Variants in EEF2K observed in about 807,000 individuals in gnomAD.
EEF2K encodes the protein eukaryotic elongation factor 2 kinase, also known as alternative protein EEF2K.
A neutral mutation model predicts 93.8 loss-of-function variants in EEF2K; 70 were observed. That is an observed-to-expected ratio of 0.75 (90% CI 0.62 to 0.91). The LOEUF (loss-of-function observed/expected upper bound fraction) is 0.91, where lower values mean the gene tolerates loss of function less well. EEF2K is among the 40% of genes least tolerant of loss of function. EEF2K has a pLI of 0.00. For missense variants in EEF2K, 935 were observed against 972.9 expected, an observed-to-expected ratio of 0.96 and a Z score of 0.52; for synonymous variants, 376 against 380.8, an observed-to-expected ratio of 0.99 and a Z score of 0.15.
intron 2 of EEF2K, among the ~76,000 whole-genome samples, chr16:22,231,213 C>T (rs1247556020): frequency 2.0e-5 from 3 of 150,176 alleles, no homozygotes; most frequent in African/African-American, 7.4e-5. Context: ...CTCAGCCTTC[C>T]GAATAGCTGG....
intron 16 of EEF2K, among the ~76,000 whole-genome samples, chr16:22,274,855 CT>C (rs1319103231): frequency 6.6e-6 from 1 of 152,148 alleles, no homozygotes; most frequent in Non-Finnish European, 1.5e-5. Context: ...GCAACCTTCC[CT>C]CCTCAGCCTC....
chr16:22,250,176 T>G (rs958698380), intron 4 of EEF2K, among the ~76,000 whole-genome samples: 1 of 152,088 alleles, frequency 6.6e-6, no homozygotes, highest in Non-Finnish European at 1.5e-5. Flanking sequence ...CTCCCAAAAT[T>G]CTGGGATTAC....
intron 1 of EEF2K, among the ~76,000 whole-genome samples, chr16:22,218,899 G>A (rs1209554508): frequency 1.3e-5 from 2 of 149,908 alleles, no homozygotes; most frequent in African/African-American, 4.9e-5. Flanking sequence ...GCCGAAGAGG[G>A]TGGATCACTT....
rs1417640462 is a variant in EEF2K at position 22,287,051 on chromosome 16, T to C, written c.*3055T>C. ...AACTTGCAAGAGGTTGAGATCCTTC[T>C]GAGCTAGGAGAACTTATTCCACCTT... On this transcript the variant is annotated 3_prime_UTR_variant, in exon 18 of 18. Coordinates refer to ENST00000263026, the MANE Select transcript of EEF2K (RefSeq NM_013302.5). 6.6e-6 allele frequency: 1 copy of C among 152,312 alleles called. No individual in the cohort carries two copies. The highest frequency in any genetic ancestry group is 1.5e-5 in the Non-Finnish European group (1 of 68,110). The allele number at this position is 152,312 out of a possible 1,614,324, so 9.4% of individuals were successfully genotyped here.
chr16:22,214,402 A>G (rs563813394), intron 1 of EEF2K, among the ~76,000 whole-genome samples: 2 of 152,080 alleles, frequency 1.3e-5, no homozygotes, highest in South Asian at 4.2e-4. Context: ...TGATTGCACC[A>G]TTGCACTCCA....
At chr16:22,238,807 C>T (rs1020111983) in intron 2 of EEF2K, among the ~76,000 whole-genome samples, 8 of 151,986 alleles carry the variant, frequency 5.3e-5, no homozygotes, top group Non-Finnish European at 1.0e-4. Context: ...TCAAAGATGG[C>T]AGTACCTGCT....
intron 16 of EEF2K, among the ~76,000 whole-genome samples, chr16:22,275,305 C>T (rs1040901552): frequency 2.0e-5 from 3 of 151,294 alleles, no homozygotes; most frequent in African/African-American, 7.3e-5. Context: ...ATACTTTTCT[C>T]TTTATTTTTT....
Position 22,232,431 on chromosome 16 carries a change from C to T in EEF2K, c.246+6456C>T, listed in dbSNP as rs141523954. 2.6e-5 allele frequency among the ~76,000 whole-genome samples: 4 copies of T among 151,972 alleles called. No homozygotes were observed. The East Asian group carries it at 5.8e-4, about 22-fold the overall frequency. On this transcript the variant is annotated intron_variant, in intron 2 of 17. Coordinates refer to ENST00000263026, the MANE Select transcript of EEF2K (RefSeq NM_013302.5). ...TTTTTGGAACGATGGGGTCTCATTA[C>T]GTTGCCCAGGCTGGTCTTGAACTCC... is the stretch of plus-strand genomic sequence containing the variant.
intron 1 of EEF2K, among the ~76,000 whole-genome samples, chr16:22,208,198 C>A (rs953389137): frequency 6.6e-6 from 1 of 152,152 alleles, no homozygotes; most frequent in African/African-American, 2.4e-5. Context: ...ACAGTTTACA[C>A]ATAATCATCG....
intron 1 of EEF2K, among the ~76,000 whole-genome samples, chr16:22,217,214 TATAGATAG>T (rs199518061): frequency 1.5e-5 from 2 of 133,422 alleles, no homozygotes; most frequent in Non-Finnish European, 3.2e-5. Context: ...TAGTGATATA[TATAGATAG>T]ATAGATAGAG....
At chr16:22,233,579 C>T (rs148656484) in intron 2 of EEF2K, among the ~76,000 whole-genome samples, 1,782 of 151,926 alleles carry the variant, frequency 0.012, 8 homozygotes, top group Non-Finnish European at 0.018. Flanking sequence ...CCCAGCTACT[C>T]CACAGGCTGA....
intron 2 of EEF2K, among the ~76,000 whole-genome samples, chr16:22,237,993 C>T (rs1006641343): frequency 8.6e-5 from 13 of 152,012 alleles, no homozygotes; most frequent in Non-Finnish European, 1.8e-4. Context: ...AACAATAGGT[C>T]TTAGAAATTG....
Position 22,220,605 on chromosome 16 carries a change from G to A in EEF2K, c.-76-5049G>A, listed in dbSNP as rs185826141. ...ACTACAGGCACACACCACCACGCCC[G>A]GCTAATTTTTGTATTTTTTCGTAGA... is the stretch of plus-strand genomic sequence containing the variant. On this transcript the variant is annotated intron_variant, in intron 1 of 17. Transcript: ENST00000263026. Among the ~76,000 whole-genome samples, 53 of 152,206 alleles carry A rather than the reference G, an allele frequency of 3.5e-4. No homozygotes were observed. In the East Asian group the frequency reaches 6.2e-3, roughly 18 times the overall value.
At chr16:22,247,669 G>A (rs149490940) in intron 3 of EEF2K, among the ~76,000 whole-genome samples, 4 of 152,248 alleles carry the variant, frequency 2.6e-5, no homozygotes, top group South Asian at 2.1e-4. Context: ...ATTGCTTCAC[G>A]CCATCCCTGC....
chr16:22,259,007 G>A (rs1239370834), intron 10 of EEF2K, among the ~76,000 whole-genome samples: 1 of 142,898 alleles, frequency 7.0e-6, no homozygotes, highest in Non-Finnish European at 1.5e-5. Flanking sequence ...ATTTGTATTT[G>A]TGTATAGAGA....
At chr16:22,256,033 C>G (rs543219905) in intron 6 of EEF2K, among the ~76,000 whole-genome samples, 33 of 152,166 alleles carry the variant, frequency 2.2e-4, no homozygotes, top group Non-Finnish European at 2.6e-4. Flanking sequence ...CCTGCCTCGA[C>G]ACCCTGAGTA....
chr16:22,248,836 C>A (rs192466948), intron 4 of EEF2K, 21 bp downstream of exon 4: 1 of 1,613,164 alleles, frequency 6.2e-7, no homozygotes, highest in South Asian at 1.1e-5. Context: ...CGTTGAGCCC[C>A]GTGGGGACAG....
chr16:22,260,379 A>G lies in EEF2K; in HGVS notation c.1232-83A>G, dbSNP rs899808435. On this transcript the variant is annotated intron_variant, in intron 10 of 17. Transcript: ENST00000263026. ...AAAAAAAAAAGGCTTGGTGGCAGGT[A>G]TGGACCGCCCTAGGCCGTGGGTTGG... The G allele has an allele frequency of 2.2e-5, 31 of 1,432,908 alleles. No individual in the cohort carries two copies. In the South Asian group the frequency reaches 3.0e-4, roughly 14 times the overall value. The allele number at this position is 1,432,908 out of a possible 1,614,324, so 88.8% of individuals were successfully genotyped here.
intron 17 of EEF2K, among the ~76,000 whole-genome samples, chr16:22,282,339 G>T (rs946959105): frequency 6.6e-6 from 1 of 152,158 alleles, no homozygotes; most frequent in Non-Finnish European, 1.5e-5. Context: ...GGATGCAAGT[G>T]GGGAGACAGC....
Sources: allele counts gnomAD v4.1 joint callset (sites outside exome capture counted in the v4.1 genomes callset), GRCh38; gene constraint gnomAD v4.1.1; transcripts MANE v1.5; gene names NCBI Gene and HGNC (gene_info 2026-07-23, HGNC 2026-07-21).